Variants in TMC1 observed in about 807,000 individuals in gnomAD.
The protein encoded by TMC1 is transmembrane channel like 1, also known as transmembrane channel-like protein 1.
Under a neutral mutation model 105.8 loss-of-function variants are expected in TMC1, and 84 were observed. That is an observed-to-expected ratio of 0.79 (90% CI 0.67 to 0.95). The LOEUF (loss-of-function observed/expected upper bound fraction) is 0.95. Among genes scored for constraint, TMC1 ranks in the 40% least tolerant of loss-of-function variants. The pLI is 0.00. For synonymous variants in TMC1, 315 were observed against 311.5 expected (o/e 1.01, Z -0.12); for missense variants, 817 against 914.1 (o/e 0.89, Z 1.37).
Position 72,821,100 on chromosome 9 carries a change from T to G in TMC1, c.2003+19T>G. ...CATTCAGGTCTCTTGCTTTTGAAATTTGACTCAGGCATCGTGTTCTTTCGG... is the reference window on the plus strand; with the variant it reads ...CATTCAGGTCTCTTGCTTTTGAAATGTGACTCAGGCATCGTGTTCTTTCGG... On this transcript the variant is annotated intron_variant, in intron 20 of 23. Transcript: ENST00000297784. 6.2e-7 allele frequency: 1 copy of G among 1,614,162 alleles called. No homozygotes were observed. The highest frequency in any genetic ancestry group is 8.5e-7 in the Non-Finnish European group (1 of 1,180,024).
chr9:72,708,387 A>C (rs368232849), intron 8 of TMC1, among the ~76,000 whole-genome samples: 1 of 152,214 alleles, frequency 6.6e-6, no homozygotes, highest in Non-Finnish European at 1.5e-5. Context: ...GATTCTACCC[A>C]ACCACATTAG....
At chr9:72,726,176 G>T (rs1393247467) in intron 8 of TMC1, among the ~76,000 whole-genome samples, 1 of 152,088 alleles carries the variant, frequency 6.6e-6, no homozygotes, top group East Asian at 1.9e-4. Flanking sequence ...CCCTTTTATA[G>T]TTATAAAAAT....
chr9:72,794,565 A>T (rs1430142339), intron 17 of TMC1, among the ~76,000 whole-genome samples: 1 of 152,212 alleles, frequency 6.6e-6, no homozygotes, highest in Non-Finnish European at 1.5e-5. Flanking sequence ...CTCAGCTTCA[A>T]ATAAAGACCC....
chr9:72,693,199 C>T (rs1826496348), intron 6 of TMC1, among the ~76,000 whole-genome samples: 1 of 150,918 alleles, frequency 6.6e-6, no homozygotes, highest in Non-Finnish European at 1.5e-5. Context: ...ATATTTAGAT[C>T]TTATACCTGA....
intron 12 of TMC1, 94 bp downstream of exon 12, chr9:72,754,978 C>T: frequency 1.4e-6 from 1 of 694,742 alleles, no homozygotes; most frequent in South Asian, 1.4e-5. Flanking sequence ...CTGGGTCAGG[C>T]TGAATGTCTT....
At chr9:72,534,752 A>T (rs1282921729) in intron 1 of TMC1, among the ~76,000 whole-genome samples, 1 of 152,220 alleles carries the variant, frequency 6.6e-6, no homozygotes, top group Non-Finnish European at 1.5e-5. Flanking sequence ...AAGATTATAA[A>T]GATATTTTAA....
At chr9:72,719,885 G>T (rs558474788) in intron 8 of TMC1, among the ~76,000 whole-genome samples, 8 of 152,320 alleles carry the variant, frequency 5.3e-5, no homozygotes, top group Admixed American at 1.3e-4. Context: ...CCATCAAAAG[G>T]TAACATTGAC....
chr9:72,685,362 ATTTTT>A (rs35423971), intron 5 of TMC1, among the ~76,000 whole-genome samples: 5 of 125,602 alleles, frequency 4.0e-5, no homozygotes, highest in East Asian at 2.3e-4. Flanking sequence ...CGCCTTGGCC[ATTTTT>A]TTTTTTTTTT....
intron 7 of TMC1, among the ~76,000 whole-genome samples, chr9:72,699,645 TTG>T (rs1389850671): frequency 6.6e-6 from 1 of 152,140 alleles, no homozygotes; most frequent in Non-Finnish European, 1.5e-5. Context: ...TTCAGAGAGT[TTG>T]AGGCTCTAGA....
intron 17 of TMC1, among the ~76,000 whole-genome samples, chr9:72,796,196 A>C (rs2118208952): frequency 6.6e-6 from 1 of 152,318 alleles, no homozygotes; most frequent in South Asian, 2.1e-4. Flanking sequence ...AGATTCATAA[A>C]GCAAGTTCTT....
intron 5 of TMC1, among the ~76,000 whole-genome samples, chr9:72,658,297 A>AT (rs1366855645): frequency 1.3e-5 from 2 of 151,152 alleles, no homozygotes; most frequent in African/African-American, 4.9e-5. Flanking sequence ...TATACTGTGT[A>AT]TTTTTTCACC....
At chr9:72,806,404 G>A (rs540860025) in intron 18 of TMC1, among the ~76,000 whole-genome samples, 5 of 123,320 alleles carry the variant, frequency 4.1e-5, no homozygotes, top group South Asian at 4.7e-4. Context: ...GGGGGCTGAC[G>A]CCCCCACCTC....
At chr9:72,749,788 C>T (rs991000481) in intron 10 of TMC1, among the ~76,000 whole-genome samples, 2 of 152,026 alleles carry the variant, frequency 1.3e-5, no homozygotes, top group African/African-American at 4.8e-5. Context: ...CACTGTTTTA[C>T]AGGAATAAGA....
intron 1 of TMC1, among the ~76,000 whole-genome samples, chr9:72,525,541 G>A (rs1362572565): frequency 6.6e-6 from 1 of 152,206 alleles, no homozygotes; most frequent in African/African-American, 2.4e-5. Flanking sequence ...CACCCAGAAA[G>A]AAACACAGAT....
chr9:72,714,605 G>A (rs1588046107), intron 8 of TMC1, among the ~76,000 whole-genome samples: 1 of 151,574 alleles, frequency 6.6e-6, no homozygotes, highest in South Asian at 2.1e-4. Context: ...TTTTTTTGCT[G>A]TCCATTTGCT....
In TMC1 at chr9:72,805,450, A is replaced by G; in HGVS notation, c.1635A>G (p.Leu545=). ...TYVTILIGDF[L]RACFVRFCNY... ...TCACAATCCTCATTGGGGACTTTCT[A>G]AGGGCATGTTTTGTGAGGTTTTGCA... Residue 545 remains leucine (L), a synonymous_variant, in exon 18 of 24, where the codon CTA becomes CTG. Coordinates refer to ENST00000297784, the MANE Select transcript of TMC1 (RefSeq NM_138691.3). 1 of 1,613,758 alleles carries G rather than the reference A, an allele frequency of 6.2e-7. No individual in the cohort carries two copies. Among genetic ancestry groups the G allele is most frequent in the Non-Finnish European group, 8.5e-7 (1 of 1,179,938 alleles).
intron 23 of TMC1, among the ~76,000 whole-genome samples, chr9:72,834,907 T>G (rs138825516): frequency 0.033 from 5,061 of 152,250 alleles, 128 homozygotes; most frequent in Non-Finnish European, 0.052. Context: ...CTCTTTGTAT[T>G]GGTTCCTTAC....
chr9:72,630,235 T>C (rs898402579), intron 4 of TMC1, among the ~76,000 whole-genome samples: 1 of 152,178 alleles, frequency 6.6e-6, no homozygotes, highest in Non-Finnish European at 1.5e-5. Flanking sequence ...ATGTAATTAG[T>C]ACACAATTAC....
intron 3 of TMC1, among the ~76,000 whole-genome samples, chr9:72,618,392 A>T (rs962952273): frequency 1.3e-5 from 2 of 152,188 alleles, no homozygotes; most frequent in Non-Finnish European, 2.9e-5. Flanking sequence ...AGAAAAAAAT[A>T]GAATAAAAAA....
Sources: allele counts gnomAD v4.1 joint callset (sites outside exome capture counted in the v4.1 genomes callset), GRCh38; gene constraint gnomAD v4.1.1; transcripts MANE v1.5; gene names NCBI Gene and HGNC (gene_info 2026-07-23, HGNC 2026-07-21).